RHD: variants seen among roughly 807,000 people sequenced by gnomAD.
RHD encodes Rh blood group D antigen.
A neutral mutation model predicts 45.5 loss-of-function variants in RHD; 16 were observed. The observed-to-expected ratio is 0.35, with a 90% CI of 0.24 to 0.53. The LOEUF is 0.53. Among genes scored for constraint, RHD ranks in the 20% least tolerant of loss-of-function variants. The pLI is 0.92. For synonymous variants in RHD, 131 were observed against 217.5 expected (o/e 0.60, Z 3.50); for missense variants, 306 against 532.0 (o/e 0.58, Z 4.18).
intron 2 of RHD, among the ~76,000 whole-genome samples, chr1:25,288,845 T>C (rs1320627984): frequency 1.5e-5 from 2 of 129,678 alleles, no homozygotes; most frequent in African/African-American, 2.7e-5. Context: ...CCTTTGTCAA[T>C]GAAATGAACA....
In RHD at chr1:25,299,429, A is replaced by C. The variant is rs1219041399; in HGVS notation, c.487-1517A>C. On this transcript the variant is annotated intron_variant, in intron 3 of 9. Coordinates refer to ENST00000328664, the MANE Select transcript of RHD (RefSeq NM_016124.6). ...CAAATAAAAAGCAGACAGACTTTTTAGTTGGCTTTAGAATTCTTAGACACC... is the reference window on the plus strand; with the variant it reads ...CAAATAAAAAGCAGACAGACTTTTTCGTTGGCTTTAGAATTCTTAGACACC... 4.6e-5 allele frequency among the ~76,000 whole-genome samples: 6 copies of C among 130,996 alleles called. 1 individual carries two copies. Among genetic ancestry groups the C allele is most frequent in the Non-Finnish European group, 1.1e-4 (6 of 55,478 alleles). 85.9% of individuals were successfully genotyped at this position (130,996 alleles called of 152,430 possible).
At chr1:25,303,238 T>C in intron 5 of RHD, 84 bp from the exon 6 acceptor site, 3 of 1,049,044 alleles carry the variant, frequency 2.9e-6, no homozygotes, top group African/African-American at 1.5e-5. Context: ...AGGGTTGCCT[T>C]GTTCCCAGCG....
intron 7 of RHD, among the ~76,000 whole-genome samples, chr1:25,313,628 G>A (rs1314977094): frequency 1.5e-5 from 2 of 132,154 alleles, no homozygotes; most frequent in Non-Finnish European, 3.6e-5. Context: ...GGCAGAACAC[G>A]TCATGCAGGG....
chr1:25,318,630 C>T (rs1228506256), intron 8 of RHD, among the ~76,000 whole-genome samples: 1 of 132,156 alleles, frequency 7.6e-6, no homozygotes, highest in African/African-American at 2.6e-5. Context: ...GAACTGTTCA[C>T]CTTTATTCTA....
Position 25,283,909 on chromosome 1 carries a change from T to C in RHD, c.149-664T>C, listed in dbSNP as rs1237779731. On this transcript the variant is annotated intron_variant, in intron 1 of 9. Transcript: ENST00000328664. ...TGCTGGGCCCCTCCCTGCCCTCAGG[T>C]GCGTCTCTTCCACTCACCTGCCACA... Among the ~76,000 whole-genome samples, 4 of 133,938 alleles carry C rather than the reference T, an allele frequency of 3.0e-5. 2 individuals are homozygous for C. The highest frequency in any genetic ancestry group is 7.0e-5 in the Non-Finnish European group (4 of 57,000). The allele number at this position is 133,938 out of a possible 152,430, so 87.9% of individuals were successfully genotyped here.
Position 25,287,951 on chromosome 1 carries a change from G to A in RHD, c.336-2690G>A, listed in dbSNP as rs71652370. 2.8e-4 allele frequency among the ~76,000 whole-genome samples: 37 copies of A among 132,370 alleles called. 8 individuals are homozygous for A. Among genetic ancestry groups the A allele is most frequent in the Non-Finnish European group, 4.3e-4 (24 of 55,788 alleles). 86.8% of individuals were successfully genotyped at this position (132,370 alleles called of 152,430 possible). A position where few individuals can be genotyped will look rare whatever the true frequency, so the allele number is the denominator to read the frequency against. On this transcript the variant is annotated intron_variant, in intron 2 of 9. Coordinates refer to ENST00000328664, the MANE Select transcript of RHD (RefSeq NM_016124.6). ...TGGGTCAGGTTGGTCTGGAACTCCC[G>A]ACCTCAAGTGATCCACCTGCCTAGG... is the stretch of plus-strand genomic sequence containing the variant.
rs1369806687 is a variant in RHD at position 25,287,797 on chromosome 1, T to C, written c.336-2844T>C. Among the ~76,000 whole-genome samples the C allele has an allele frequency of 2.2e-5, 3 of 134,096 alleles. 1 individual carries two copies. Among genetic ancestry groups the C allele is most frequent in the Non-Finnish European group, 3.5e-5 (2 of 56,474 alleles). 88.0% of individuals were successfully genotyped at this position (134,096 alleles called of 152,430 possible). A position where few individuals can be genotyped will look rare whatever the true frequency, so the allele number is the denominator to read the frequency against. On this transcript the variant is annotated intron_variant, in intron 2 of 9. Coordinates refer to ENST00000328664, the MANE Select transcript of RHD (RefSeq NM_016124.6). Reference sequence around the variant, plus strand: ...AGTGCAGTGGTACAATCATAGCTCATTGCAGCCTGTGCCTCCTGGGCTCAA... The same window carrying C: ...AGTGCAGTGGTACAATCATAGCTCACTGCAGCCTGTGCCTCCTGGGCTCAA...
At chr1:25,324,400 AT>A (rs1644861617) in intron 9 of RHD, among the ~76,000 whole-genome samples, 1 of 142,080 alleles carries the variant, frequency 7.0e-6, no homozygotes, top group South Asian at 2.2e-4. Context: ...AGGAAACCCG[AT>A]GTTGGCCATC....
At chr1:25,291,181 C>G (rs1274923250) in intron 3 of RHD, among the ~76,000 whole-genome samples, 2 of 127,770 alleles carry the variant, frequency 1.6e-5, no homozygotes, top group African/African-American at 2.8e-5. Flanking sequence ...GACAGACAGA[C>G]AGACAGGCTG....
rs1164357258 is a variant in RHD at position 25,281,415 on chromosome 1, A to G, written c.149-3158A>G. On this transcript the variant is annotated intron_variant, in intron 1 of 9. Transcript: ENST00000328664. ...AATTGCTCTACTCATGGAATCTTCA[A>G]TAAGTCTGGGCCCTATGCATATAGC... Among the ~76,000 whole-genome samples the G allele has an allele frequency of 1.9e-4, 25 of 132,062 alleles. 5 individuals are homozygous for G. Among genetic ancestry groups the G allele is most frequent in the African/African-American group, 6.0e-4 (23 of 38,346 alleles). The allele number at this position is 132,062 out of a possible 152,430, so 86.6% of individuals were successfully genotyped here.
intron 8 of RHD, chr1:25,318,267 T>G (rs1644511485): frequency 7.8e-6 from 1 of 127,518 alleles, no homozygotes; most frequent in Admixed American, 7.6e-5. Flanking sequence ...GAGCCGAGAC[T>G]CTGTCTAAAA....
intron 8 of RHD, among the ~76,000 whole-genome samples, chr1:25,320,058 C>A (rs1252704077): frequency 7.6e-6 from 1 of 131,044 alleles, no homozygotes; most frequent in Non-Finnish European, 1.8e-5. Flanking sequence ...ACCACCACAC[C>A]CGGCTAATTT....
intron 1 of RHD, among the ~76,000 whole-genome samples, chr1:25,276,399 G>T (rs1486969430): frequency 8.5e-6 from 1 of 117,162 alleles, no homozygotes; most frequent in Non-Finnish European, 1.9e-5. Context: ...TGCTTTAAAA[G>T]TTCTGTAATA....
At chr1:25,313,314 A>G (rs1644266352) in intron 7 of RHD, among the ~76,000 whole-genome samples, 2 of 132,420 alleles carry the variant, frequency 1.5e-5, no homozygotes, top group Admixed American at 1.5e-4. Context: ...CTCCAGAACC[A>G]TGAGCTATAT....
rs1353101565 is a variant in RHD at position 25,276,270 on chromosome 1, G to A, written c.148+3575G>A. 1.4e-4 allele frequency among the ~76,000 whole-genome samples: 18 copies of A among 129,996 alleles called. 3 individuals carry two copies. Among genetic ancestry groups the A allele is most frequent in the African/African-American group, 4.7e-4 (18 of 37,930 alleles). 85.3% of individuals were successfully genotyped at this position (129,996 alleles called of 152,430 possible). ...CATGATATCTGGGGTTTGCTTTTAT[G>A]CCAGAAAAAAGAAAAAGTACAGAAG... On this transcript the variant is annotated intron_variant, in intron 1 of 9. Transcript: ENST00000328664.
rs60661839 is a variant in RHD, at chr1:25,318,593, A to T, written c.1153+1514A>T. 1.5e-5 allele frequency among the ~76,000 whole-genome samples: 2 copies of T among 131,600 alleles called. 1 individual carries two copies. The highest frequency in any genetic ancestry group is 3.6e-5 in the Non-Finnish European group (2 of 55,720). 86.3% of individuals were successfully genotyped at this position (131,600 alleles called of 152,430 possible). ...ACAGAGTGAGACTGTCTCAAAAAAAAAAGAAAGAAAATATACATTCCATCC... is the reference window on the plus strand; with the variant it reads ...ACAGAGTGAGACTGTCTCAAAAAAATAAGAAAGAAAATATACATTCCATCC... On this transcript the variant is annotated intron_variant, in intron 8 of 9. Coordinates refer to ENST00000328664, the MANE Select transcript of RHD (RefSeq NM_016124.6).
rs1315260888 is a variant in RHD at position 25,272,828 on chromosome 1, C to T, written c.148+133C>T. The T allele has an allele frequency of 1.4e-5, 16 of 1,138,586 alleles. 2 individuals are homozygous for T. The highest frequency in any genetic ancestry group is 6.0e-5 in the Admixed American group (3 of 50,052). 70.5% of individuals were successfully genotyped at this position (1,138,586 alleles called of 1,614,324 possible). On this transcript the variant is annotated intron_variant, in intron 1 of 9. Transcript: ENST00000328664. Reference sequence around the variant, plus strand: ...GGAAAAAGATTCCCCCATCTTCTTCCGTAGATTGCACCGAAATTCAGCCAA... The same window carrying T: ...GGAAAAAGATTCCCCCATCTTCTTCTGTAGATTGCACCGAAATTCAGCCAA...
Position 25,310,770 on chromosome 1 carries a change from G to A in RHD, c.1073+4041G>A, listed in dbSNP as rs1324427398. ...GTGGATCACCTGAGGTCAGGAGTTCGAGACCAGCCTAGCTAACATGGTGAA... is the reference window on the plus strand; with the variant it reads ...GTGGATCACCTGAGGTCAGGAGTTCAAGACCAGCCTAGCTAACATGGTGAA... On this transcript the variant is annotated intron_variant, in intron 7 of 9. Transcript: ENST00000328664. Among the ~76,000 whole-genome samples the A allele has an allele frequency of 6.8e-5, 9 of 132,094 alleles. 1 individual carries two copies. Among genetic ancestry groups the A allele is most frequent in the Admixed American group, 3.7e-4 (5 of 13,518 alleles). 86.7% of individuals were successfully genotyped at this position (132,094 alleles called of 152,430 possible). A position where few individuals can be genotyped will look rare whatever the true frequency, so the allele number is the denominator to read the frequency against.
rs1641164714 is a variant in RHD, at chr1:25,278,011, A to G, written c.148+5316A>G. On this transcript the variant is annotated intron_variant, in intron 1 of 9. Transcript: ENST00000328664. The stretch of plus-strand genomic sequence containing the variant: ...TTTCTTAATTTTTTAAATAAAATAA[A>G]TAAAACTAGAATTGCTTGTTTTCTT... Among the ~76,000 whole-genome samples the G allele has an allele frequency of 2.3e-5, 3 of 131,410 alleles. 1 individual carries two copies. The highest frequency in any genetic ancestry group is 1.5e-4 in the Admixed American group (2 of 13,482). 86.2% of individuals were successfully genotyped at this position (131,410 alleles called of 152,430 possible). A position where few individuals can be genotyped will look rare whatever the true frequency, so the allele number is the denominator to read the frequency against.
Sources: gnomAD v4.1 joint callset for allele counts (sites outside exome capture counted in the v4.1 genomes callset) on GRCh38, gnomAD v4.1.1 for gene constraint, MANE v1.5 for transcripts, NCBI Gene and HGNC (gene_info 2026-07-23, HGNC 2026-07-21) for gene names.